Variants in TNRC18 observed in about 807,000 individuals in gnomAD.
TNRC18 encodes trinucleotide repeat containing 18.
In TNRC18, 69 loss-of-function variants were observed where a neutral mutation model predicts 226.7. That is an observed-to-expected ratio of 0.30 (90% CI 0.25 to 0.37). The LOEUF (loss-of-function observed/expected upper bound fraction) is 0.37, where lower values mean the gene tolerates loss of function less well. TNRC18 is among the 10% of genes least tolerant of loss of function. The pLI, the probability that TNRC18 is intolerant of heterozygous loss-of-function variation, is 1.00. For synonymous variants in TNRC18, 2,449 were observed against 1,927.6 expected, an observed-to-expected ratio of 1.27 and a Z score of -7.09; for missense variants, 4,754 against 4,256.6, an observed-to-expected ratio of 1.12 and a Z score of -3.25.
intron 18 of TNRC18, among the ~76,000 whole-genome samples, chr7:5,344,967 A>G (rs1381471321): frequency 2.0e-5 from 3 of 151,972 alleles, no homozygotes; most frequent in Admixed American, 2.0e-4. Flanking sequence ...GCCTTGGTTT[A>G]CCTATCTGGA....
At position 5,361,948 on chromosome 7, in the gene TNRC18, T is replaced by A; in HGVS notation, c.4481A>T (p.Tyr1494Phe). ...RMRLAEVQRQ[Y>F]KEKQRELVKL... ...CACCAGCTCACGCTGCTTCTCCTTG[T>A]ACTGGCGCTGCACCTCGGCCAGCCG... Residue 1494 changes from tyrosine (Y) to phenylalanine (F), a missense_variant, in exon 13 of 30, where the codon TAC becomes TTC. Tyr to Phe is a conservative substitution (Grantham distance 22, BLOSUM62 3). Coordinates refer to ENST00000430969, the MANE Select transcript of TNRC18 (RefSeq NM_001080495.3). The A allele has an allele frequency of 5.0e-6, 8 of 1,610,336 alleles. No homozygotes were observed. The highest frequency in any genetic ancestry group is 6.8e-6 in the Non-Finnish European group (8 of 1,178,780).
Position 5,321,717 on chromosome 7 carries a change from G to A in TNRC18, c.6443-527C>T, listed in dbSNP as rs534987401. Among the ~76,000 whole-genome samples the A allele has an allele frequency of 9.9e-5, 15 of 151,670 alleles. No homozygotes were observed. The East Asian group carries it at 2.9e-3, about 30-fold the overall frequency. ...ATGGAGTTTCAATCTTGTTGCCCAG[G>A]CTGGAGTGCAATGGCATGATCTCGG... On this transcript the variant is annotated intron_variant, in intron 21 of 29. Transcript: ENST00000430969.
Position 5,341,008 on chromosome 7 carries a change from G to A in TNRC18, c.5719+4554C>T, listed in dbSNP as rs77863444. 3.2e-3 allele frequency among the ~76,000 whole-genome samples: 485 copies of A among 152,208 alleles called. 5 individuals are homozygous for A. Among genetic ancestry groups the A allele is most frequent in the African/African-American group, 0.011 (463 of 41,536 alleles). On this transcript the variant is annotated intron_variant, in intron 18 of 29. Coordinates refer to ENST00000430969, the MANE Select transcript of TNRC18 (RefSeq NM_001080495.3). Reference sequence around the variant, plus strand: ...TCAAAGGACAGCCCGACTTTTGCTGGGGGCTAATGCAGCTGGGGACTTTTA... The same window carrying A: ...TCAAAGGACAGCCCGACTTTTGCTGAGGGCTAATGCAGCTGGGGACTTTTA...
intron 18 of TNRC18, among the ~76,000 whole-genome samples, chr7:5,341,495 G>A (rs895407206): frequency 3.3e-5 from 5 of 151,680 alleles, no homozygotes; most frequent in Non-Finnish European, 5.9e-5. Context: ...CAGGTGTGGT[G>A]GCTCACACCT....
In TNRC18 at chr7:5,324,382, G is replaced by A; in HGVS notation, c.6301-27C>T. ...TGGGGACAGAACATGGCCGACAAATGACTTAGGACCTGAACAGGGGTCCTG... is the reference window on the plus strand; with the variant it reads ...TGGGGACAGAACATGGCCGACAAATAACTTAGGACCTGAACAGGGGTCCTG... On this transcript the variant is annotated intron_variant, in intron 20 of 29. Coordinates refer to ENST00000430969, the MANE Select transcript of TNRC18 (RefSeq NM_001080495.3). This position sits in a 1 kb window ranked among gnomAD's most constrained non-coding sequence, Gnocchi z 4.8. 2 of 1,611,610 alleles carry A rather than the reference G, an allele frequency of 1.2e-6. No individual in the cohort carries two copies. Among genetic ancestry groups the A allele is most frequent in the Non-Finnish European group, 1.7e-6 (2 of 1,179,462 alleles).
At chr7:5,414,760 A>C (rs1782067984) in intron 2 of TNRC18, among the ~76,000 whole-genome samples, 3 of 152,154 alleles carry the variant, frequency 2.0e-5, no homozygotes, top group African/African-American at 7.2e-5. Flanking sequence ...TCTCTTACAG[A>C]ACCACACACA....
At chr7:5,382,088 C>T (rs1241403691) in intron 5 of TNRC18, among the ~76,000 whole-genome samples, 1 of 152,208 alleles carries the variant, frequency 6.6e-6, no homozygotes, top group African/African-American at 2.4e-5. Context: ...CTCATTCAAT[C>T]ACCATCAACC....
intron 24 of TNRC18, among the ~76,000 whole-genome samples, chr7:5,317,792 A>G (rs1233495719): frequency 6.6e-6 from 1 of 151,402 alleles, no homozygotes; most frequent in Admixed American, 6.6e-5. Context: ...TGCAGCCTCG[A>G]CCACCCAGGC....
chr7:5,414,721 G>C (rs975220762), intron 2 of TNRC18, among the ~76,000 whole-genome samples: 1 of 152,114 alleles, frequency 6.6e-6, no homozygotes, highest in African/African-American at 2.4e-5. Flanking sequence ...CCACATTTCA[G>C]TATTCTTATT....
At chr7:5,361,296 AG>A (rs1562547781) in intron 14 of TNRC18, among the ~76,000 whole-genome samples, 3 of 152,168 alleles carry the variant, frequency 2.0e-5, no homozygotes, top group South Asian at 2.1e-4. Context: ...CGCGTGGAAA[AG>A]AGGAGGAATT....
chr7:5,316,384 AT>A (rs1176519961), intron 24 of TNRC18, among the ~76,000 whole-genome samples: 1 of 144,516 alleles, frequency 6.9e-6, no homozygotes, highest in African/African-American at 2.6e-5. Flanking sequence ...GGTTCAAGTG[AT>A]TCTCCTGCCT....
At chr7:5,369,617 G>C (rs577484945) in intron 11 of TNRC18, among the ~76,000 whole-genome samples, 3 of 152,210 alleles carry the variant, frequency 2.0e-5, no homozygotes, top group African/African-American at 7.2e-5. Flanking sequence ...GAGAGAGAGA[G>C]ACTAGGGAAG....
chr7:5,376,239 A>T lies in TNRC18; in HGVS notation c.2609-15T>A. 1 of 1,472,854 alleles carries T rather than the reference A, an allele frequency of 6.8e-7. No individual in the cohort carries two copies. The highest frequency in any genetic ancestry group is 1.4e-5 in the South Asian group (1 of 71,582). 91.2% of individuals were successfully genotyped at this position (1,472,854 alleles called of 1,614,324 possible). Reference sequence around the variant, plus strand: ...CATCAGCTCCGCTGCAGGGACAGAGACAGTGCGCTGCACCTGCGGCCTGAT... The same window carrying T: ...CATCAGCTCCGCTGCAGGGACAGAGTCAGTGCGCTGCACCTGCGGCCTGAT... On this transcript the variant is annotated splice_polypyrimidine_tract_variant and intron_variant, in intron 8 of 29. Coordinates refer to ENST00000430969, the MANE Select transcript of TNRC18 (RefSeq NM_001080495.3).
intron 11 of TNRC18, among the ~76,000 whole-genome samples, chr7:5,368,245 T>C (rs568908858): frequency 2.0e-5 from 3 of 149,188 alleles, no homozygotes; most frequent in South Asian, 2.1e-4. Context: ...GGTGGGAAAA[T>C]CACTTGAGTT....
At chr7:5,325,393 T>G in intron 19 of TNRC18, 145 bp from the exon 20 acceptor site, 1 of 850,568 alleles carries the variant, frequency 1.2e-6, no homozygotes, top group Non-Finnish European at 1.7e-6. Context: ...CTTCTCTCTC[T>G]TCCTGCAAGC....
chr7:5,354,280 A>G (rs971493843), intron 16 of TNRC18, among the ~76,000 whole-genome samples: 1 of 152,082 alleles, frequency 6.6e-6, no homozygotes, highest in Admixed American at 6.6e-5. Flanking sequence ...GAGTGAACAC[A>G]CCAGCTCGGA....
intron 19 of TNRC18, chr7:5,329,884 C>T: frequency 2.1e-6 from 1 of 469,752 alleles, no homozygotes; most frequent in Admixed American, 2.4e-5. Flanking sequence ...TTCCTGGCAT[C>T]TGAACAGCTG....
intron 10 of TNRC18, 105 bp from the exon 11 acceptor site, chr7:5,371,469 C>T: frequency 2.2e-6 from 3 of 1,346,130 alleles, no homozygotes; most frequent in Non-Finnish European, 2.9e-6. Flanking sequence ...ACGCAGCCGC[C>T]CCCTGCTCAC....
At chr7:5,356,108 G>A (rs1374997207) in intron 16 of TNRC18, among the ~76,000 whole-genome samples, 1 of 151,022 alleles carries the variant, frequency 6.6e-6, no homozygotes, top group African/African-American at 2.4e-5. Flanking sequence ...AAGTTGCAGT[G>A]AGCCAAGATC....
Sources: gnomAD v4.1 joint callset for allele counts (sites outside exome capture counted in the v4.1 genomes callset) on GRCh38, gnomAD v4.1.1 for gene constraint, Gnocchi (gnomAD v3.1) non-coding constraint, MANE v1.5 for transcripts, NCBI Gene and HGNC (gene_info 2026-07-23, HGNC 2026-07-21) for gene names.